PDE6B: variants seen among roughly 807,000 people sequenced by gnomAD.
PDE6B encodes the protein phosphodiesterase 6B, also known as rod cGMP-specific 3',5'-cyclic phosphodiesterase subunit beta.
A neutral mutation model predicts 109.0 loss-of-function variants in PDE6B; 106 were observed. The observed-to-expected ratio is 0.97, with a 90% CI of 0.83 to 1.14. The LOEUF is 1.14. Ranked by LOEUF, PDE6B falls within the 50% of genes most tolerant of loss-of-function variation. The pLI is 0.00. For synonymous variants in PDE6B, 490 were observed against 471.3 expected (o/e 1.04, Z -0.51); for missense variants, 1,193 against 1,155.6 (o/e 1.03, Z -0.47).
chr4:653,303 C>T (rs567182214), intron 3 of PDE6B: 1 of 1,026,332 alleles, frequency 9.7e-7, no homozygotes, highest in Non-Finnish European at 1.2e-6. Context: ...GAAAGGTGGC[C>T]CAAGGAGGGC....
At chr4:654,235 G>T in intron 5 of PDE6B, 81 bp downstream of exon 5, 3 of 1,213,334 alleles carry the variant, frequency 2.5e-6, no homozygotes, top group Non-Finnish European at 3.6e-6. Flanking sequence ...GAGAGGGAGG[G>T]ATAGGGGTGG....
At chr4:667,783 C>A in intron 20 of PDE6B, 73 bp from the exon 21 acceptor site, 2 of 1,506,594 alleles carry the variant, frequency 1.3e-6, no homozygotes, top group Middle Eastern at 1.8e-4. Context: ...GGGGGATGAG[C>A]TGGGGAAGGG....
intron 3 of PDE6B, among the ~76,000 whole-genome samples, chr4:644,109 G>A (rs1480481722): frequency 6.6e-6 from 1 of 151,408 alleles, no homozygotes; most frequent in Non-Finnish European, 1.5e-5. Context: ...AGTAGAGACG[G>A]GGTTTCACCA....
At position 634,724 on chromosome 4, in the gene PDE6B, A is replaced by G. The variant is rs769240881; in HGVS notation, c.516A>G (p.Thr172=). ...CTGACGAGCTCACTGACTACAAGAC[A>G]AAGAATATGCTGGCCACACCCATCA... ...SFADELTDYK[T]KNMLATPIMN... is the part of the protein sequence containing the mutation. Residue 172 remains threonine (T), a synonymous_variant, in exon 2 of 22, where the codon ACA becomes ACG. Coordinates refer to ENST00000496514, the MANE Select transcript of PDE6B (RefSeq NM_000283.4). The G allele has an allele frequency of 6.2e-7, 1 of 1,612,982 alleles. No homozygotes were observed.
At position 660,473 on chromosome 4, in the gene PDE6B, G is replaced by A. The variant is rs771355491; in HGVS notation, c.1474G>A (p.Glu492Lys). The stretch of plus-strand genomic sequence containing the variant: ...CCCACAATCCCTCCCACAGAAGGAG[G>A]AGCTGCCAGGGCCCACCACATTTGA... ...EDELGEILKEELPGPTTFDIY... is the reference protein window; with the variant it reads ...EDELGEILKEKLPGPTTFDIY... Residue 492 changes from glutamate (E) to lysine (K), a missense_variant, in exon 12 of 22, where the codon GAG becomes AAG. Glu to Lys is a moderately conservative substitution (Grantham distance 56). Transcript: ENST00000496514. 1.2e-6 allele frequency: 2 copies of A among 1,613,798 alleles called. No individual in the cohort carries two copies. The highest frequency in any genetic ancestry group is 1.7e-6 in the Non-Finnish European group (2 of 1,180,000).
At chr4:667,288 G>C (rs1271315853) in intron 20 of PDE6B, among the ~76,000 whole-genome samples, 2 of 152,016 alleles carry the variant, frequency 1.3e-5, no homozygotes, top group Non-Finnish European at 2.9e-5. Flanking sequence ...GGAGTGGGCT[G>C]TGCCCACTCC....
rs1453265290 is a variant in PDE6B, at chr4:663,492, GC to G, written c.1921-273del. Among the ~76,000 whole-genome samples, 1 of 152,196 alleles carries G rather than the reference GC, an allele frequency of 6.6e-6. No individual in the cohort carries two copies. Among genetic ancestry groups the G allele is most frequent in the Non-Finnish European group, 1.5e-5 (1 of 68,020 alleles). On this transcript the variant is annotated intron_variant, in intron 15 of 21. Transcript: ENST00000496514. This position sits in a 1 kb window ranked among gnomAD's most constrained non-coding sequence, Gnocchi z 4.0. The stretch of plus-strand genomic sequence containing the variant: ...ATGAAGGGCAGCCGAGCCCTGAGCG[GC>G]CCCCAAGGACCTGGACACTCAGTGG...
intron 21 of PDE6B, 23 bp downstream of exon 21, chr4:668,029 G>C (rs920267958): frequency 6.2e-7 from 1 of 1,606,096 alleles, no homozygotes; most frequent in Admixed American, 1.7e-5. Flanking sequence ...GTGGCCTGTG[G>C]GGCAGGGACT....
rs1453079232 is a variant in PDE6B at position 662,781 on chromosome 4, G to A, written c.1832+163G>A. Reference sequence around the variant, plus strand: ...AAGGCGAGGGGATTGCTTGAGCCCAGGAGTTCGAGACCAGCCTGGGCAACA... The same window carrying A: ...AAGGCGAGGGGATTGCTTGAGCCCAAGAGTTCGAGACCAGCCTGGGCAACA... On this transcript the variant is annotated intron_variant, in intron 14 of 21. Transcript: ENST00000496514. This position sits in a 1 kb window ranked among gnomAD's most constrained non-coding sequence, Gnocchi z 4.3. 1.3e-5 allele frequency among the ~76,000 whole-genome samples: 2 copies of A among 151,030 alleles called. No homozygotes were observed. Among genetic ancestry groups the A allele is most frequent in the Non-Finnish European group, 2.9e-5 (2 of 67,944 alleles).
rs745990600 is a variant in PDE6B at position 666,489 on chromosome 4, C to G, written c.2269-42C>G. On this transcript the variant is annotated intron_variant, in intron 19 of 21. Coordinates refer to ENST00000496514, the MANE Select transcript of PDE6B (RefSeq NM_000283.4). The surrounding 1 kb of genome is among the most constrained non-coding windows in gnomAD (Gnocchi z 5.6). Reference sequence around the variant, plus strand: ...GGCTGGGCGGGGCCCCAGGAGCTGCCTCCCTGGTCACTGTTCTCCCGCCCT... The same window carrying G: ...GGCTGGGCGGGGCCCCAGGAGCTGCGTCCCTGGTCACTGTTCTCCCGCCCT... 2.1e-6 allele frequency: 3 copies of G among 1,400,554 alleles called. No individual in the cohort carries two copies. The highest frequency in any genetic ancestry group is 2.3e-5 in the East Asian group (1 of 43,864). 86.8% of individuals were successfully genotyped at this position (1,400,554 alleles called of 1,614,324 possible). A position where few individuals can be genotyped will look rare whatever the true frequency, so the allele number is the denominator to read the frequency against.
intron 10 of PDE6B, 22 bp downstream of exon 10, chr4:657,516 A>C (rs975906576): frequency 6.8e-7 from 1 of 1,464,660 alleles, no homozygotes; most frequent in African/African-American, 1.4e-5. Context: ...CAGGACGTCC[A>C]GGGGTCACCC....
Position 626,004 on chromosome 4 carries a change from C to A in PDE6B, c.378C>A (p.Pro126=). The A allele has an allele frequency of 1.3e-6, 2 of 1,585,928 alleles. No individual in the cohort carries two copies. Among genetic ancestry groups the A allele is most frequent in the East Asian group, 2.3e-5 (1 of 43,368 alleles). ...TCCTGGAGGACTGCCTGGTGCCCCCCGACTCCGAGATCGTCTTCCCACTGG... is the reference window on the plus strand; with the variant it reads ...TCCTGGAGGACTGCCTGGTGCCCCCAGACTCCGAGATCGTCTTCCCACTGG... ...DSVLEDCLVP[P]DSEIVFPLDI... The change falls in exon 1 of 22, where the codon CCC becomes CCA. Residue 126 remains proline (P), a synonymous_variant. Coordinates refer to ENST00000496514, the MANE Select transcript of PDE6B (RefSeq NM_000283.4). This position sits in a 1 kb window ranked among gnomAD's most constrained non-coding sequence, Gnocchi z 4.6.
At chr4:654,577 G>T (rs968642979) in intron 5 of PDE6B, 2 of 619,242 alleles carry the variant, frequency 3.2e-6, no homozygotes, top group Non-Finnish European at 2.9e-6. Context: ...CGTGAGTATT[G>T]GGGACGGTCT....
At position 654,120 on chromosome 4, in the gene PDE6B, A is replaced by C. The variant is rs1279538484; in HGVS notation, c.893A>C (p.Gln298Pro). The C allele has an allele frequency of 5.0e-6, 8 of 1,613,880 alleles. No individual in the cohort carries two copies. In the South Asian group the frequency reaches 8.8e-5, roughly 18 times the overall value. ...DVWSVLMGES[Q>P]PYSGPRTPDG... ...TGGTCTGTGCTGATGGGAGAGTCCC[A>C]GCCGTACTCGGGCCCACGCACGCCT... The change falls in exon 5 of 22, where the codon CAG (glutamine) becomes CCG (proline). Residue 298 changes from glutamine (Q) to proline (P), a missense_variant. Physicochemically the swap from Gln to Pro is moderately conservative, Grantham distance 76. Transcript: ENST00000496514.
intron 3 of PDE6B, among the ~76,000 whole-genome samples, chr4:650,402 C>T (rs1017667032): frequency 6.6e-6 from 1 of 152,264 alleles, no homozygotes; most frequent in African/African-American, 2.4e-5. Context: ...GGTGCGAAGC[C>T]TCACAGCCTG....
chr4:666,632 G>C lies in PDE6B; in HGVS notation c.2352+18G>C. 6.4e-7 allele frequency: 1 copy of C among 1,562,390 alleles called. No homozygotes were observed. Among genetic ancestry groups the C allele is most frequent in the Non-Finnish European group, 8.8e-7 (1 of 1,133,254 alleles). ...TGTACAAGGCGAGTGGTTCACGGGT[G>C]TTCCGAGCTGACTGGGGCAGGGTGG... On this transcript the variant is annotated intron_variant, in intron 20 of 21. Transcript: ENST00000496514. This position sits in a 1 kb window ranked among gnomAD's most constrained non-coding sequence, Gnocchi z 5.6.
chr4:653,590 T>C, intron 3 of PDE6B: 1 of 577,446 alleles, frequency 1.7e-6, no homozygotes, highest in Non-Finnish European at 3.1e-6. Context: ...GATTCCACTT[T>C]CCACTCGTCC....
chr4:660,506 G>A lies in PDE6B; in HGVS notation c.1507G>A (p.Glu503Lys), dbSNP rs758303497. 3 of 1,613,884 alleles carry A rather than the reference G, an allele frequency of 1.9e-6. No individual in the cohort carries two copies. In the South Asian group the frequency reaches 3.3e-5, roughly 18 times the overall value. The change falls in exon 12 of 22, where the codon GAA becomes AAA. Residue 503 changes from glutamate to lysine, a missense_variant. Coordinates refer to ENST00000496514, the MANE Select transcript of PDE6B (RefSeq NM_000283.4). ...AGGGCCCACCACATTTGACATCTAC[G>A]AATTCCACTTCTCTGACCTGGAGTG... Reference protein sequence around the residue: ...LPGPTTFDIYEFHFSDLECTE... With the variant: ...LPGPTTFDIYKFHFSDLECTE...
chr4:646,323 T>C (rs1398729644), intron 3 of PDE6B, among the ~76,000 whole-genome samples: 1 of 152,028 alleles, frequency 6.6e-6, no homozygotes, highest in East Asian at 1.9e-4. Flanking sequence ...TCGCATCGTT[T>C]CTGATGAGAT....
Sources: allele counts gnomAD v4.1 joint callset (sites outside exome capture counted in the v4.1 genomes callset), GRCh38; gene constraint gnomAD v4.1.1; non-coding constraint Gnocchi (gnomAD v3.1); transcripts MANE v1.5; gene names NCBI Gene and HGNC (gene_info 2026-07-23, HGNC 2026-07-21).